The following TANGO6 variants were observed in gnomAD, a reference collection of about 807,000 sequenced individuals.
TANGO6 encodes transport and golgi organization 6 homolog, also known as transport and Golgi organization protein 6 homolog.
In TANGO6, 90 loss-of-function variants were observed where a neutral mutation model predicts 114.2. The observed-to-expected ratio is 0.79, with a 90% confidence interval of 0.66 to 0.94. The LOEUF is 0.94. Among genes scored for constraint, TANGO6 ranks in the 40% least tolerant of loss-of-function variants. The pLI, the probability that TANGO6 is intolerant of heterozygous loss-of-function variation, is 0.00. For missense variants in TANGO6, 1,274 were observed against 1,315.3 expected (o/e 0.97, Z 0.49); for synonymous variants, 477 against 509.8 (o/e 0.94, Z 0.87).
At chr16:68,848,226 C>T (rs917067335) in intron 1 of TANGO6, among the ~76,000 whole-genome samples, 3 of 151,928 alleles carry the variant, frequency 2.0e-5, no homozygotes, top group Non-Finnish European at 2.9e-5. Flanking sequence ...TCTACCTCAG[C>T]CTCCCAGCTA....
intron 14 of TANGO6, among the ~76,000 whole-genome samples, chr16:68,934,611 A>G (rs1963282414): frequency 6.6e-6 from 1 of 152,200 alleles, no homozygotes; most frequent in African/African-American, 2.4e-5. Context: ...CCACATGACC[A>G]TAAGTTGTGC....
intron 15 of TANGO6, among the ~76,000 whole-genome samples, chr16:69,010,689 G>A (rs1278497117): frequency 6.6e-6 from 1 of 152,134 alleles, no homozygotes; most frequent in Non-Finnish European, 1.5e-5. Flanking sequence ...AAGAAGAATA[G>A]ATATCACCCA....
At chr16:68,961,639 T>G (rs1039969842) in intron 14 of TANGO6, among the ~76,000 whole-genome samples, 2 of 152,244 alleles carry the variant, frequency 1.3e-5, no homozygotes, top group Non-Finnish European at 2.9e-5. Flanking sequence ...TCACGTGTTT[T>G]TACTTTTTTC....
chr16:68,984,038 GAAAAAAAA>G (rs1165109764), intron 15 of TANGO6, among the ~76,000 whole-genome samples: 4 of 73,300 alleles, frequency 5.5e-5, no homozygotes, highest in East Asian at 4.3e-4. Context: ...GTCTCAAAAA[GAAAAAAAA>G]AAAAAAAAGA....
intron 7 of TANGO6, among the ~76,000 whole-genome samples, chr16:68,896,817 T>G (rs1962712004): frequency 6.6e-6 from 1 of 152,162 alleles, no homozygotes; most frequent in Non-Finnish European, 1.5e-5. Flanking sequence ...TTCTAAATCT[T>G]TTCACTTAAA....
chr16:68,976,424 G>A (rs969646277), intron 15 of TANGO6, among the ~76,000 whole-genome samples: 2 of 152,190 alleles, frequency 1.3e-5, no homozygotes, highest in African/African-American at 4.8e-5. Context: ...TTTATTGAGT[G>A]CTCATATGAA....
chr16:68,882,773 C>G (rs1453656254), intron 7 of TANGO6, among the ~76,000 whole-genome samples: 1 of 151,884 alleles, frequency 6.6e-6, no homozygotes, highest in Non-Finnish European at 1.5e-5. Context: ...AATCCCAACA[C>G]TTTGGGAGGC....
chr16:69,063,781 T>TTC (rs1960168005), intron 17 of TANGO6, among the ~76,000 whole-genome samples: 1 of 115,466 alleles, frequency 8.7e-6, no homozygotes, highest in African/African-American at 3.6e-5. Context: ...TAGCCATACT[T>TTC]TTCTTCTTCT....
At chr16:68,917,610 T>G (rs1963024480) in intron 11 of TANGO6, among the ~76,000 whole-genome samples, 2 of 152,190 alleles carry the variant, frequency 1.3e-5, no homozygotes, top group African/African-American at 4.8e-5. Context: ...GCCATTCTAT[T>G]AGGTGTGTAA....
At chr16:69,028,046 A>G (rs930964680) in intron 16 of TANGO6, among the ~76,000 whole-genome samples, 1 of 151,882 alleles carries the variant, frequency 6.6e-6, no homozygotes, top group East Asian at 2.0e-4. Flanking sequence ...TGCAACCTCC[A>G]CCTGCCGGGT....
At chr16:68,963,126 T>C (rs1043407379) in intron 14 of TANGO6, among the ~76,000 whole-genome samples, 1 of 151,096 alleles carries the variant, frequency 6.6e-6, no homozygotes, top group Non-Finnish European at 1.5e-5. Context: ...TTGTGCTTTT[T>C]TTTTTTTTGA....
At chr16:69,045,477 C>T (rs995210267) in intron 17 of TANGO6, among the ~76,000 whole-genome samples, 2 of 141,522 alleles carry the variant, frequency 1.4e-5, no homozygotes, top group Non-Finnish European at 3.0e-5. Flanking sequence ...GGTGCAGTGA[C>T]TTATGCCTGT....
intron 3 of TANGO6, among the ~76,000 whole-genome samples, chr16:68,866,095 C>A (rs1256921755): frequency 2.6e-5 from 4 of 152,132 alleles, no homozygotes; most frequent in African/African-American, 9.7e-5. Context: ...GAGCTACATT[C>A]AGAGATTGTT....
At chr16:69,064,207 G>T (rs908065473) in intron 17 of TANGO6, among the ~76,000 whole-genome samples, 2 of 152,106 alleles carry the variant, frequency 1.3e-5, no homozygotes, top group African/African-American at 4.8e-5. Context: ...GCGTATATTA[G>T]CACATAATAC....
intron 15 of TANGO6, 47 bp from the exon 16 acceptor site, chr16:69,022,781 T>A (rs1357475067): frequency 6.5e-7 from 1 of 1,531,432 alleles, no homozygotes; most frequent in Non-Finnish European, 8.8e-7. Flanking sequence ...TTTTAAGAAG[T>A]TGAAATTTTG....
At chr16:68,969,794 T>G (rs1314379692) in intron 14 of TANGO6, among the ~76,000 whole-genome samples, 1 of 152,132 alleles carries the variant, frequency 6.6e-6, no homozygotes, top group Non-Finnish European at 1.5e-5. Flanking sequence ...AGAGGGTGTT[T>G]ATTGGCTTTT....
chr16:68,906,199 A>T (rs1438204120), intron 9 of TANGO6, among the ~76,000 whole-genome samples: 2 of 152,124 alleles, frequency 1.3e-5, no homozygotes, highest in South Asian at 2.1e-4. Flanking sequence ...AAATAAATAA[A>T]TAATTATAGA....
At chr16:69,082,945 T>C (rs1960487745) in intron 17 of TANGO6, among the ~76,000 whole-genome samples, 1 of 151,980 alleles carries the variant, frequency 6.6e-6, no homozygotes, top group Non-Finnish European at 1.5e-5. Flanking sequence ...GGAACTATGA[T>C]TTGGCCTGGG....
intron 7 of TANGO6, among the ~76,000 whole-genome samples, chr16:68,886,966 C>T (rs1224898810): frequency 6.6e-6 from 1 of 151,968 alleles, no homozygotes; most frequent in African/African-American, 2.4e-5. Flanking sequence ...AGCCACCACA[C>T]CCAGCTAATT....
Sources: gnomAD v4.1 joint callset for allele counts (sites outside exome capture counted in the v4.1 genomes callset) on GRCh38, gnomAD v4.1.1 for gene constraint, MANE v1.5 for transcripts, NCBI Gene and HGNC (gene_info 2026-07-23, HGNC 2026-07-21) for gene names.